Variants in BZW2 observed in about 807,000 individuals in gnomAD.
BZW2 encodes basic leucine zipper and W2 domains 2.
In BZW2, 23 loss-of-function variants were observed where a neutral mutation model predicts 53.2. The observed-to-expected ratio is 0.43, with a 90% CI of 0.31 to 0.61. The LOEUF (loss-of-function observed/expected upper bound fraction) is 0.61. BZW2 is among the 20% of genes least tolerant of loss of function. BZW2 has a pLI of 0.09. For synonymous variants in BZW2, 227 were observed against 186.4 expected, an observed-to-expected ratio of 1.22 and a Z score of -1.77; for missense variants, 409 against 503.1, an observed-to-expected ratio of 0.81 and a Z score of 1.79.
chr7:16,676,586 A>G (rs953496692), intron 3 of BZW2, among the ~76,000 whole-genome samples: 1 of 151,916 alleles, frequency 6.6e-6, no homozygotes, highest in Non-Finnish European at 1.5e-5. Flanking sequence ...ACCTTTAACA[A>G]TGTTAGCTAC....
intron 5 of BZW2, among the ~76,000 whole-genome samples, chr7:16,685,237 C>T (rs1783077015): frequency 6.6e-6 from 1 of 152,114 alleles, no homozygotes; most frequent in Non-Finnish European, 1.5e-5. Context: ...TCTAGGGTTG[C>T]TACTTTTTTA....
intron 8 of BZW2, 63 bp from the exon 9 acceptor site, chr7:16,696,852 A>AG (rs1168210928): frequency 1.3e-6 from 2 of 1,552,758 alleles, no homozygotes; most frequent in Non-Finnish European, 1.8e-6. Flanking sequence ...CTGGGCAGCT[A>AG]GCGGGGAGAT....
rs368444886 is a variant in BZW2, at chr7:16,694,823, C to A, written c.652-11C>A. On this transcript the variant is annotated splice_polypyrimidine_tract_variant and intron_variant, in intron 7 of 11. Coordinates refer to ENST00000258761, the MANE Select transcript of BZW2 (RefSeq NM_014038.3). ...GGCTTGTTTTATAGCAGTCTTTTTT[C>A]CCTTTTTCAGGAACTCTTTCCAGTT... 6 of 1,497,726 alleles carry A rather than the reference C, an allele frequency of 4.0e-6. No homozygotes were observed. Among genetic ancestry groups the A allele is most frequent in the Non-Finnish European group, 5.4e-6 (6 of 1,105,392 alleles). The allele number at this position is 1,497,726 out of a possible 1,614,324, so 92.8% of individuals were successfully genotyped here.
At chr7:16,649,514 T>G (rs1055228860) in intron 1 of BZW2, among the ~76,000 whole-genome samples, 1 of 152,206 alleles carries the variant, frequency 6.6e-6, no homozygotes, top group Non-Finnish European at 1.5e-5. Context: ...AAATTTGGCA[T>G]GCCATTCTTA....
chr7:16,669,079 G>T lies in BZW2; in HGVS notation c.58+3578G>T, dbSNP rs75396370. On this transcript the variant is annotated intron_variant, in intron 2 of 11. Coordinates refer to ENST00000258761, the MANE Select transcript of BZW2 (RefSeq NM_014038.3). ...AGGCCAAACTGCAGGCATTCAGCATGACCATGTGCTCAGGTTTCTCCCTGA... is the reference window on the plus strand; with the variant it reads ...AGGCCAAACTGCAGGCATTCAGCATTACCATGTGCTCAGGTTTCTCCCTGA... 5.1e-3 allele frequency among the ~76,000 whole-genome samples: 770 copies of T among 152,298 alleles called. 15 individuals carry two copies. The highest frequency in any genetic ancestry group is 0.036 in the East Asian group (184 of 5,180).
At chr7:16,648,583 T>C (rs150305900) in intron 1 of BZW2, among the ~76,000 whole-genome samples, 1 of 152,318 alleles carries the variant, frequency 6.6e-6, no homozygotes, top group East Asian at 1.9e-4. Flanking sequence ...CAATAAACAT[T>C]GAGCACCCAT....
intron 1 of BZW2, among the ~76,000 whole-genome samples, chr7:16,656,553 G>GCA (rs1301100071): frequency 6.3e-4 from 76 of 119,908 alleles, no homozygotes; most frequent in African/African-American, 2.2e-3. Flanking sequence ...CAGCGCGCGC[G>GCA]CGCACACACA....
chr7:16,674,195 C>T (rs560091668), intron 2 of BZW2, among the ~76,000 whole-genome samples: 4 of 152,304 alleles, frequency 2.6e-5, no homozygotes, highest in South Asian at 2.1e-4. Flanking sequence ...CCACCGCGCC[C>T]GGCCTACAGT....
intron 10 of BZW2, among the ~76,000 whole-genome samples, chr7:16,699,206 T>C (rs1161607505): frequency 6.6e-6 from 1 of 152,206 alleles, no homozygotes; most frequent in South Asian, 2.1e-4. Context: ...GAAAATATGA[T>C]GGCCACCCAT....
rs1031308275 is a variant in BZW2, at chr7:16,646,201, C to CACT, written c.-94_-92dup. On this transcript the variant is annotated 5_prime_UTR_variant, in exon 1 of 12. Transcript: ENST00000258761. ...CCTTCACTCCTCCATTGTCTGCCGC[C>CACT]ACTGCTGCTGCTGCTGCTGCTGCCG... 2.9e-6 allele frequency: 1 copy of CACT among 340,644 alleles called. No individual in the cohort carries two copies. Among genetic ancestry groups the CACT allele is most frequent in the African/African-American group, 2.3e-5 (1 of 44,370 alleles). 21.1% of individuals were successfully genotyped at this position (340,644 alleles called of 1,614,324 possible). A position where few individuals can be genotyped will look rare whatever the true frequency, so the allele number is the denominator to read the frequency against.
intron 3 of BZW2, among the ~76,000 whole-genome samples, chr7:16,675,445 G>T (rs1782735666): frequency 1.3e-5 from 2 of 152,178 alleles, no homozygotes; most frequent in South Asian, 4.1e-4. Context: ...GCCTTTCCTT[G>T]AGAAAACACT....
At chr7:16,670,350 T>C (rs987847942) in intron 2 of BZW2, among the ~76,000 whole-genome samples, 2 of 152,230 alleles carry the variant, frequency 1.3e-5, no homozygotes, top group Non-Finnish European at 2.9e-5. Flanking sequence ...GTCCTCTGCA[T>C]TGATTCTTGG....
chr7:16,661,241 G>A (rs1369507790), intron 1 of BZW2: 1 of 152,132 alleles, frequency 6.6e-6, no homozygotes, highest in Admixed American at 6.5e-5. Context: ...CCCTTGTAGG[G>A]ACAACTAGAA....
At chr7:16,661,652 ATTC>A (rs1348185385) in intron 1 of BZW2, among the ~76,000 whole-genome samples, 6 of 152,178 alleles carry the variant, frequency 3.9e-5, no homozygotes, top group African/African-American at 1.4e-4. Context: ...TCATTTTAGT[ATTC>A]TTATCGCCTT....
At chr7:16,698,670 A>G (rs35734304) in intron 10 of BZW2, among the ~76,000 whole-genome samples, 20,146 of 152,144 alleles carry the variant, frequency 0.13, 1,469 homozygotes, top group Middle Eastern at 0.24. Flanking sequence ...GGCTATTTTT[A>G]GGTTTTCACA....
intron 1 of BZW2, among the ~76,000 whole-genome samples, chr7:16,664,611 G>A (rs1782364189): frequency 6.6e-6 from 1 of 152,172 alleles, no homozygotes; most frequent in African/African-American, 2.4e-5. Context: ...AGGTAGCCAG[G>A]ATCAGAAATG....
chr7:16,666,286 G>A (rs73063985), intron 2 of BZW2, among the ~76,000 whole-genome samples: 1,840 of 152,012 alleles, frequency 0.012, 44 homozygotes, highest in African/African-American at 0.042. Context: ...TTTTTGTAGA[G>A]ACAGGGTCTC....
At chr7:16,681,895 ATATT>A (rs924321982) in intron 4 of BZW2, among the ~76,000 whole-genome samples, 6 of 152,340 alleles carry the variant, frequency 3.9e-5, no homozygotes, top group Admixed American at 2.0e-4. Context: ...GGGAATTTAA[ATATT>A]TATTCTTGGA....
intron 10 of BZW2, among the ~76,000 whole-genome samples, chr7:16,701,559 T>C (rs950758807): frequency 4.6e-5 from 7 of 152,198 alleles, no homozygotes; most frequent in African/African-American, 1.7e-4. Context: ...ATTTCAAGAG[T>C]TTCAAGTGAC....
Sources: allele counts gnomAD v4.1 joint callset (sites outside exome capture counted in the v4.1 genomes callset), GRCh38; gene constraint gnomAD v4.1.1; transcripts MANE v1.5; gene names NCBI Gene and HGNC (gene_info 2026-07-23, HGNC 2026-07-21).